The following XKR6 variants were observed in gnomAD, a reference collection of about 807,000 sequenced individuals.
The protein encoded by XKR6 is XK-related protein 6.
A neutral mutation model predicts 56.7 loss-of-function variants in XKR6; 22 were observed. The ratio of observed to expected loss-of-function variants is 0.39; its 90% confidence interval spans 0.28 to 0.55. The LOEUF (loss-of-function observed/expected upper bound fraction) is 0.55. Among genes scored for constraint, XKR6 ranks in the 20% least tolerant of loss-of-function variants. The pLI, the probability that XKR6 is intolerant of heterozygous loss-of-function variation, is 0.66. For synonymous variants in XKR6, 524 were observed against 387.8 expected (o/e 1.35, Z -4.13); for missense variants, 852 against 889.0 (o/e 0.96, Z 0.53).
At chr8:11,026,386 C>G (rs374344139) in intron 1 of XKR6, among the ~76,000 whole-genome samples, 2 of 151,296 alleles carry the variant, frequency 1.3e-5, no homozygotes, top group Non-Finnish European at 2.9e-5. Flanking sequence ...GCCTACTACA[C>G]ACTTAGATGG....
chr8:11,139,726 G>A (rs1800588251), intron 1 of XKR6, among the ~76,000 whole-genome samples: 1 of 152,200 alleles, frequency 6.6e-6, no homozygotes, highest in African/African-American at 2.4e-5. Flanking sequence ...AAAAGCCACA[G>A]CCGAAGGGGC....
chr8:11,102,042 G>T (rs1255731275), intron 1 of XKR6, among the ~76,000 whole-genome samples: 3 of 152,222 alleles, frequency 2.0e-5, no homozygotes, highest in African/African-American at 4.8e-5. Context: ...TAGAAACAGC[G>T]AGGGCTTCTG....
intron 1 of XKR6, among the ~76,000 whole-genome samples, chr8:11,020,341 G>GCATC (rs767416773): frequency 1.2e-4 from 19 of 152,268 alleles, no homozygotes; most frequent in South Asian, 1.2e-3. Context: ...CTCCAGAAAT[G>GCATC]CATCCATCCA....
intron 1 of XKR6, among the ~76,000 whole-genome samples, chr8:11,033,025 G>A (rs1799029731): frequency 6.6e-6 from 1 of 152,158 alleles, no homozygotes; most frequent in African/African-American, 2.4e-5. Flanking sequence ...TGGTAAGGAT[G>A]ATGATGGTAA....
At chr8:11,144,189 A>G (rs1031607688) in intron 1 of XKR6, among the ~76,000 whole-genome samples, 1 of 148,284 alleles carries the variant, frequency 6.7e-6, no homozygotes, top group Non-Finnish European at 1.5e-5. Flanking sequence ...AACGCTGTAT[A>G]TATTTATTTG....
chr8:10,928,756 G>C (rs1800973151), intron 1 of XKR6, among the ~76,000 whole-genome samples: 1 of 152,212 alleles, frequency 6.6e-6, no homozygotes, highest in Non-Finnish European at 1.5e-5. Flanking sequence ...ACTCAGGATT[G>C]GCTGCCATTC....
chr8:11,075,333 G>C (rs1038683714), intron 1 of XKR6, among the ~76,000 whole-genome samples: 2 of 152,198 alleles, frequency 1.3e-5, no homozygotes, highest in African/African-American at 4.8e-5. Context: ...CCTTTACTAT[G>C]TCCAAGTCAG....
chr8:11,099,098 A>G (rs1798370713), intron 1 of XKR6, among the ~76,000 whole-genome samples: 1 of 152,124 alleles, frequency 6.6e-6, no homozygotes, highest in South Asian at 2.1e-4. Flanking sequence ...CCTCTGTCCA[A>G]AAAGCAGCAG....
intron 1 of XKR6, among the ~76,000 whole-genome samples, chr8:11,187,652 G>A (rs7819412): frequency 0.57 from 87,364 of 152,006 alleles, 28,489 homozygotes; most frequent in African/African-American, 0.88. Flanking sequence ...AGAAAAATCA[G>A]TCATATCAAA....
intron 1 of XKR6, among the ~76,000 whole-genome samples, chr8:10,942,595 A>G (rs1586333306): frequency 6.6e-6 from 1 of 152,354 alleles, no homozygotes; most frequent in East Asian, 1.9e-4. Flanking sequence ...CACCTCAGAG[A>G]GGACAGCAGG....
intron 1 of XKR6, among the ~76,000 whole-genome samples, chr8:11,077,290 T>C (rs1487657310): frequency 1.3e-5 from 2 of 152,162 alleles, no homozygotes; most frequent in African/African-American, 2.4e-5. Flanking sequence ...CTGTGTGGCC[T>C]TGGGAGACTC....
chr8:11,105,620 T>C (rs1422446185), intron 1 of XKR6: 1 of 152,282 alleles, frequency 6.6e-6, no homozygotes, highest in Non-Finnish European at 1.5e-5. Context: ...TACGATCTTC[T>C]TCTTCATTTC....
At chr8:10,975,949 C>T (rs768883543) in intron 1 of XKR6, among the ~76,000 whole-genome samples, 4 of 152,222 alleles carry the variant, frequency 2.6e-5, no homozygotes, top group South Asian at 2.1e-4. Context: ...CCGAGACGGG[C>T]AGATCACGAG....
At chr8:11,075,047 C>T (rs1800235505) in intron 1 of XKR6, among the ~76,000 whole-genome samples, 1 of 152,142 alleles carries the variant, frequency 6.6e-6, no homozygotes, top group African/African-American at 2.4e-5. Flanking sequence ...CTGGTGGCAC[C>T]CTCCCTGGAG....
At chr8:10,977,772 A>C (rs1264234749) in intron 1 of XKR6, among the ~76,000 whole-genome samples, 1 of 151,644 alleles carries the variant, frequency 6.6e-6, no homozygotes, top group East Asian at 1.9e-4. Context: ...TTACTGGACC[A>C]CTGTCACAGG....
chr8:10,906,659 G>A (rs1351142848), intron 2 of XKR6, among the ~76,000 whole-genome samples: 1 of 152,232 alleles, frequency 6.6e-6, no homozygotes, highest in Non-Finnish European at 1.5e-5. Context: ...TTCTGTACTT[G>A]AAGAGGGTGT....
intron 1 of XKR6, among the ~76,000 whole-genome samples, chr8:11,041,290 GC>G (rs1264033303): frequency 6.6e-6 from 1 of 152,172 alleles, no homozygotes; most frequent in African/African-American, 2.4e-5. Context: ...GGGCGCGGTG[GC>G]TCACGCCTGT....
rs1554475340 is a variant in XKR6, at chr8:11,160,926, A to AAAG, written c.764+39649_764+39650insCTT. Among the ~76,000 whole-genome samples the AAAG allele has an allele frequency of 7.9e-5, 12 of 151,258 alleles. 1 individual carries two copies. The highest frequency in any genetic ancestry group is 2.4e-4 in the African/African-American group (10 of 41,170). On this transcript the variant is annotated intron_variant, in intron 1 of 2. Coordinates refer to ENST00000416569, the MANE Select transcript of XKR6 (RefSeq NM_173683.4). ...GACTCCGTCTCAAAAAAAAAAAAAA[A>AAAG]AAAAAGAAAAAAAAAGGGTTCACAC... is the stretch of plus-strand genomic sequence containing the variant.
At chr8:11,145,827 T>C (rs73530504) in intron 1 of XKR6, among the ~76,000 whole-genome samples, 3,421 of 152,320 alleles carry the variant, frequency 0.022, 49 homozygotes, top group African/African-American at 0.037. Flanking sequence ...ACACTGTTTT[T>C]GTAGAAATTA....
Sources: gnomAD v4.1 joint callset for allele counts (sites outside exome capture counted in the v4.1 genomes callset) on GRCh38, gnomAD v4.1.1 for gene constraint, MANE v1.5 for transcripts, NCBI Gene and HGNC (gene_info 2026-07-23, HGNC 2026-07-21) for gene names.